DPP6: variants seen among roughly 807,000 people sequenced by gnomAD.
DPP6 encodes dipeptidyl peptidase like 6, also known as A-type potassium channel modulatory protein DPP6.
In DPP6, 69 loss-of-function variants were observed where a neutral mutation model predicts 122.6. The ratio of observed to expected loss-of-function variants is 0.56; its 90% confidence interval spans 0.46 to 0.69. The LOEUF (loss-of-function observed/expected upper bound fraction) is 0.69. Among genes scored for constraint, DPP6 ranks in the 30% least tolerant of loss-of-function variants. The pLI, the probability that DPP6 is intolerant of heterozygous loss-of-function variation, is 0.00. For missense variants in DPP6, 928 were observed against 1,116.9 expected (o/e 0.83, Z 2.41); for synonymous variants, 418 against 433.1 (o/e 0.97, Z 0.43).
intron 1 of DPP6, among the ~76,000 whole-genome samples, chr7:154,140,730 A>G (rs1249759009): frequency 1.4e-4 from 22 of 152,216 alleles, no homozygotes; most frequent in Non-Finnish European, 3.1e-4. Flanking sequence ...TTTTAGAAAC[A>G]CTCAAAAATT....
At chr7:154,616,344 T>C (rs991349284) in intron 5 of DPP6, among the ~76,000 whole-genome samples, 1 of 152,178 alleles carries the variant, frequency 6.6e-6, no homozygotes, top group Non-Finnish European at 1.5e-5. Flanking sequence ...TTGATCCCAG[T>C]GCCTTTTCAA....
chr7:154,055,085 A>G (rs903652300), intron 1 of DPP6, among the ~76,000 whole-genome samples: 4 of 123,280 alleles, frequency 3.2e-5, no homozygotes, highest in Non-Finnish European at 6.7e-5. Flanking sequence ...GTAAGTCCTG[A>G]CATGCTTTTT....
intron 1 of DPP6, among the ~76,000 whole-genome samples, chr7:153,906,607 T>G (rs1799862458): frequency 6.6e-6 from 1 of 152,122 alleles, no homozygotes; most frequent in African/African-American, 2.4e-5. Flanking sequence ...CATCTTACCA[T>G]GTCTAGTTAA....
At chr7:154,064,726 G>C (rs2628935) in intron 1 of DPP6, among the ~76,000 whole-genome samples, 3 of 152,124 alleles carry the variant, frequency 2.0e-5, no homozygotes, top group Admixed American at 6.5e-5. Flanking sequence ...AAGTTTTACA[G>C]TTCCTAACGA....
chr7:153,945,090 T>C (rs1801887205), intron 1 of DPP6, among the ~76,000 whole-genome samples: 1 of 152,158 alleles, frequency 6.6e-6, no homozygotes, highest in African/African-American at 2.4e-5. Context: ...CTGCAGGCTC[T>C]GAAGGGTCAC....
At chr7:153,871,233 T>C in the DPP6 span, among the ~76,000 whole-genome samples, 28 of 152,222 alleles carry the variant, frequency 1.8e-4, no homozygotes, top group African/African-American at 6.5e-4. Context: ...TGTTTGTCTG[T>C]GCCCTGCCCC....
rs769448415 is a variant in DPP6, at chr7:154,479,580, G to GAAAAA, written c.457+4547_457+4548insAAAAA. Among the ~76,000 whole-genome samples the GAAAAA allele has an allele frequency of 2.5e-3, 360 of 141,810 alleles. 1 individual carries two copies. The highest frequency in any genetic ancestry group is 4.2e-3 in the Non-Finnish European group (275 of 65,970). 93.0% of individuals were successfully genotyped at this position (141,810 alleles called of 152,430 possible). A position where few individuals can be genotyped will look rare whatever the true frequency, so the allele number is the denominator to read the frequency against. On this transcript the variant is annotated intron_variant, in intron 3 of 25. Coordinates refer to ENST00000377770, the MANE Select transcript of DPP6 (RefSeq NM_130797.4). ...CTCAAAAAAAAAAAAAAAAAGAAAA[G>GAAAAA]AAAAGAAAAAGAAAAGGCTCACTCT...
intron 7 of DPP6, among the ~76,000 whole-genome samples, chr7:154,715,268 C>G (rs1319786803): frequency 6.6e-6 from 1 of 152,084 alleles, no homozygotes; most frequent in Non-Finnish European, 1.5e-5. Context: ...GGGTTTTCAC[C>G]TGGTTGGCCA....
At chr7:153,988,233 C>T (rs1796945559) in intron 1 of DPP6, among the ~76,000 whole-genome samples, 1 of 152,024 alleles carries the variant, frequency 6.6e-6, no homozygotes, top group South Asian at 2.1e-4. Flanking sequence ...GCGCCTTTTG[C>T]TCCACTTCCC....
intron 10 of DPP6, among the ~76,000 whole-genome samples, chr7:154,783,729 G>T (rs961500936): frequency 6.6e-6 from 1 of 152,160 alleles, no homozygotes; most frequent in Non-Finnish European, 1.5e-5. Context: ...GGCATCTGCA[G>T]GTCCCACGCC....
intron 1 of DPP6, among the ~76,000 whole-genome samples, chr7:154,438,220 A>C (rs528492275): frequency 1.6e-4 from 25 of 152,154 alleles, no homozygotes; most frequent in South Asian, 8.3e-4. Context: ...GTAATCCCAG[A>C]ACTTTGGGAG....
intron 1 of DPP6, among the ~76,000 whole-genome samples, chr7:154,352,527 G>A (rs1010114836): frequency 6.6e-6 from 1 of 151,954 alleles, no homozygotes; most frequent in Non-Finnish European, 1.5e-5. Context: ...AAAATGCAGG[G>A]ACATGGATGA....
chr7:153,956,534 T>C (rs1344689644), intron 1 of DPP6, among the ~76,000 whole-genome samples: 1 of 152,054 alleles, frequency 6.6e-6, no homozygotes, highest in Non-Finnish European at 1.5e-5. Context: ...GGCCACAGTC[T>C]CAAATAGCTT....
At chr7:154,025,152 C>T (rs1291445447) in intron 1 of DPP6, among the ~76,000 whole-genome samples, 4 of 152,026 alleles carry the variant, frequency 2.6e-5, no homozygotes, top group Non-Finnish European at 5.9e-5. Flanking sequence ...GGGCTAATTA[C>T]ATCACCTGAT....
chr7:154,824,249 TTTG>T (rs201570575), intron 16 of DPP6, among the ~76,000 whole-genome samples: 8 of 54,280 alleles, frequency 1.5e-4, no homozygotes, highest in African/African-American at 2.9e-4. Context: ...AAGGAATGTT[TTTG>T]TTGTTGTTGT....
intron 6 of DPP6, 32 bp from the exon 7 acceptor site, chr7:154,669,328 G>T (rs752177161): frequency 9.0e-6 from 14 of 1,551,688 alleles, no homozygotes; most frequent in Non-Finnish European, 1.2e-5. Context: ...CCAACATTTT[G>T]CTTTGTTTTT....
intron 5 of DPP6, among the ~76,000 whole-genome samples, chr7:154,629,407 T>C (rs1835277735): frequency 6.6e-6 from 1 of 152,140 alleles, no homozygotes; most frequent in Admixed American, 6.5e-5. Context: ...CTTTTTTTTC[T>C]CTTTTTTACC....
chr7:154,041,567 C>A (rs1350382860), intron 1 of DPP6, among the ~76,000 whole-genome samples: 1 of 152,084 alleles, frequency 6.6e-6, no homozygotes, highest in Non-Finnish European at 1.5e-5. Flanking sequence ...AGTGGAAGAA[C>A]CAGGTGTGCA....
chr7:154,223,417 A>C (rs907888812), intron 1 of DPP6, among the ~76,000 whole-genome samples: 1 of 149,362 alleles, frequency 6.7e-6, no homozygotes, highest in Non-Finnish European at 1.5e-5. Flanking sequence ...AGAGAGAGAG[A>C]TAAGAATCAA....
Sources: gnomAD v4.1 joint callset for allele counts (sites outside exome capture counted in the v4.1 genomes callset) on GRCh38, gnomAD v4.1.1 for gene constraint, MANE v1.5 for transcripts, NCBI Gene and HGNC (gene_info 2026-07-23, HGNC 2026-07-21) for gene names.